Variants in CNTNAP4 observed in about 807,000 individuals in gnomAD.
The protein encoded by CNTNAP4 is contactin-associated protein-like 4.
Under a neutral mutation model 148.4 loss-of-function variants are expected in CNTNAP4, and 98 were observed. The observed-to-expected ratio is 0.66, with a 90% CI of 0.56 to 0.78. The LOEUF (loss-of-function observed/expected upper bound fraction) is 0.78, where lower values mean the gene tolerates loss of function less well. Among genes scored for constraint, CNTNAP4 ranks in the 30% least tolerant of loss-of-function variants. CNTNAP4 has a pLI of 0.00. For synonymous variants in CNTNAP4, 730 were observed against 565.1 expected, an observed-to-expected ratio of 1.29 and a Z score of -4.14; for missense variants, 1,935 against 1,565.6, an observed-to-expected ratio of 1.24 and a Z score of -3.98.
chr16:76,362,856 A>G (rs1199217009), intron 3 of CNTNAP4, among the ~76,000 whole-genome samples: 2 of 152,172 alleles, frequency 1.3e-5, no homozygotes, highest in African/African-American at 4.8e-5. Context: ...TGTGACATAC[A>G]ATTTGCCTAT....
At chr16:76,384,897 T>C (rs1203295336) in intron 3 of CNTNAP4, among the ~76,000 whole-genome samples, 3 of 152,220 alleles carry the variant, frequency 2.0e-5, no homozygotes, top group Non-Finnish European at 4.4e-5. Context: ...GGAAATCATA[T>C]TTTTCAATAC....
At chr16:76,319,696 A>G (rs1243811419) in intron 2 of CNTNAP4, among the ~76,000 whole-genome samples, 4 of 152,174 alleles carry the variant, frequency 2.6e-5, no homozygotes, top group Non-Finnish European at 1.5e-5. Context: ...AGAGTAGACC[A>G]GATGAAGATG....
At chr16:76,475,021 G>A (rs953350257) in intron 10 of CNTNAP4, among the ~76,000 whole-genome samples, 2 of 152,152 alleles carry the variant, frequency 1.3e-5, no homozygotes, top group African/African-American at 2.4e-5. Context: ...AGAGCCAGGC[G>A]TGGTGGCACA....
At chr16:76,438,521 G>A (rs2079918986) in intron 4 of CNTNAP4, among the ~76,000 whole-genome samples, 1 of 152,060 alleles carries the variant, frequency 6.6e-6, no homozygotes, top group Non-Finnish European at 1.5e-5. Context: ...GACTGTACCT[G>A]AGGACATATT....
At chr16:76,544,400 A>T (rs1000302939) in intron 21 of CNTNAP4, among the ~76,000 whole-genome samples, 1 of 152,196 alleles carries the variant, frequency 6.6e-6, no homozygotes, top group Non-Finnish European at 1.5e-5. Flanking sequence ...GACCCTGTTA[A>T]AAAATATTAC....
At chr16:76,486,811 C>T (rs1220690044) in intron 12 of CNTNAP4, among the ~76,000 whole-genome samples, 3 of 152,102 alleles carry the variant, frequency 2.0e-5, no homozygotes, top group Non-Finnish European at 4.4e-5. Context: ...CCTCTGTAAG[C>T]CCAAGCCTCA....
chr16:76,446,067 T>C lies in CNTNAP4; in HGVS notation c.539-1945T>C, dbSNP rs926903047. ...GTGCACTTGGTGAATGAATTCTCTA[T>C]AAGCACATTAGCAAAATGTGAAAAA... On this transcript the variant is annotated intron_variant, in intron 4 of 23. Coordinates refer to ENST00000611870, the MANE Select transcript of CNTNAP4 (RefSeq NM_033401.5). Among the ~76,000 whole-genome samples the C allele has an allele frequency of 3.2e-5, 4 of 124,930 alleles. No individual in the cohort carries two copies. In the Admixed American group the frequency reaches 3.6e-4, roughly 11 times the overall value. The allele number at this position is 124,930 out of a possible 152,430, so 82.0% of individuals were successfully genotyped here.
chr16:76,526,343 A>G (rs1276056845), intron 17 of CNTNAP4, among the ~76,000 whole-genome samples: 1 of 152,180 alleles, frequency 6.6e-6, no homozygotes, highest in East Asian at 1.9e-4. Flanking sequence ...ATTGAGGTAT[A>G]TATCGGACCT....
chr16:76,436,501 G>T (rs2079832514), intron 4 of CNTNAP4, among the ~76,000 whole-genome samples: 1 of 152,126 alleles, frequency 6.6e-6, no homozygotes, highest in African/African-American at 2.4e-5. Flanking sequence ...CTCTAAAGGA[G>T]ATAAGACTCT....
chr16:76,440,560 G>A (rs1234305359), intron 4 of CNTNAP4, among the ~76,000 whole-genome samples: 3 of 152,026 alleles, frequency 2.0e-5, no homozygotes, highest in African/African-American at 7.2e-5. Context: ...AATATGCAAT[G>A]GGGTTATTTA....
chr16:76,490,452 T>C (rs891751367), intron 13 of CNTNAP4, among the ~76,000 whole-genome samples: 1 of 152,146 alleles, frequency 6.6e-6, no homozygotes, highest in African/African-American at 2.4e-5. Context: ...GTTCTGGTTT[T>C]GGTCTTTCTT....
At chr16:76,463,702 T>C (rs2081070362) in intron 9 of CNTNAP4, among the ~76,000 whole-genome samples, 1 of 152,200 alleles carries the variant, frequency 6.6e-6, no homozygotes, top group Admixed American at 6.5e-5. Context: ...AGTATACACC[T>C]ACCCATGTGT....
Position 76,317,265 on chromosome 16 carries a change from C to CCA in CNTNAP4, c.196+742_196+743insCA, listed in dbSNP as rs1961872336. Among the ~76,000 whole-genome samples, 93 of 44,362 alleles carry CCA rather than the reference C, an allele frequency of 2.1e-3. 1 individual carries two copies. Among genetic ancestry groups the CCA allele is most frequent in the African/African-American group, 7.5e-3 (90 of 12,002 alleles). The allele number at this position is 44,362 out of a possible 152,430, so 29.1% of individuals were successfully genotyped here. ...GAGACCCTGTCTCAAAAAAAAAAAA[C>CCA]AAAAAAAAAAACCAAAAAAAAAAAA... On this transcript the variant is annotated intron_variant, in intron 2 of 23. Coordinates refer to ENST00000611870, the MANE Select transcript of CNTNAP4 (RefSeq NM_033401.5).
chr16:76,374,565 A>G (rs1316071406), intron 3 of CNTNAP4, among the ~76,000 whole-genome samples: 2 of 152,012 alleles, frequency 1.3e-5, no homozygotes, highest in Non-Finnish European at 1.5e-5. Flanking sequence ...TTGGAAATAA[A>G]TTGGTCTGTC....
intron 3 of CNTNAP4, among the ~76,000 whole-genome samples, chr16:76,427,105 CA>C (rs928630663): frequency 4.6e-5 from 7 of 152,128 alleles, no homozygotes; most frequent in African/African-American, 1.7e-4. Flanking sequence ...AATATTTTCT[CA>C]ATTTTTTTGG....
At chr16:76,447,216 G>A (rs1341919047) in intron 4 of CNTNAP4, among the ~76,000 whole-genome samples, 7 of 151,918 alleles carry the variant, frequency 4.6e-5, no homozygotes, top group Admixed American at 1.3e-4. Flanking sequence ...AGGTTGAGGT[G>A]GGAGGGTCGC....
At chr16:76,499,582 G>C (rs2082543486) in intron 15 of CNTNAP4, among the ~76,000 whole-genome samples, 1 of 150,772 alleles carries the variant, frequency 6.6e-6, no homozygotes, top group African/African-American at 2.4e-5. Flanking sequence ...AGTATTTATT[G>C]ATCATTCTTG....
At chr16:76,376,369 T>C (rs975379933) in intron 3 of CNTNAP4, among the ~76,000 whole-genome samples, 1 of 152,022 alleles carries the variant, frequency 6.6e-6, no homozygotes, top group Non-Finnish European at 1.5e-5. Context: ...CTGCCTAACA[T>C]AAAGGCCATT....
At chr16:76,336,772 G>A (rs1424239202) in intron 2 of CNTNAP4, among the ~76,000 whole-genome samples, 3 of 152,182 alleles carry the variant, frequency 2.0e-5, no homozygotes, top group Admixed American at 6.5e-5. Context: ...CAGCTTTTGA[G>A]TTGACATGTT....
Sources: allele counts gnomAD v4.1 joint callset (sites outside exome capture counted in the v4.1 genomes callset), GRCh38; gene constraint gnomAD v4.1.1; transcripts MANE v1.5; gene names NCBI Gene and HGNC (gene_info 2026-07-23, HGNC 2026-07-21).